The following PDZD2 variants were observed in gnomAD, a reference collection of about 807,000 sequenced individuals.
The protein encoded by PDZD2 is PDZ domain containing 2.
PDZD2 carries 90 observed loss-of-function variants against 220.7 expected under a neutral mutation model. The observed-to-expected ratio is 0.41, with a 90% CI of 0.34 to 0.49. The LOEUF is 0.49. Among genes scored for constraint, PDZD2 ranks in the 20% least tolerant of loss-of-function variants. PDZD2 has a pLI of 0.28. For synonymous variants in PDZD2, 1,375 were observed against 1,450.5 expected, an observed-to-expected ratio of 0.95 and a Z score of 1.18; for missense variants, 3,174 against 3,608.5, an observed-to-expected ratio of 0.88 and a Z score of 3.08.
At chr5:31,749,728 G>T (rs544669342) in intron 1 of PDZD2, among the ~76,000 whole-genome samples, 1 of 152,074 alleles carries the variant, frequency 6.6e-6, no homozygotes, top group Non-Finnish European at 1.5e-5. Flanking sequence ...GGCTGTGACG[G>T]TGTGATTGTA....
intron 1 of PDZD2, 29 bp from the exon 2 acceptor site, chr5:31,798,859 GC>G: frequency 4.8e-6 from 1 of 209,638 alleles, no homozygotes. Context: ...TGTAACTGGA[GC>G]TTTTTGTGTT....
intron 1 of PDZD2, among the ~76,000 whole-genome samples, chr5:31,707,588 G>A (rs1221175845): frequency 6.6e-6 from 1 of 152,170 alleles, no homozygotes; most frequent in African/African-American, 2.4e-5. Flanking sequence ...AATACAGTCT[G>A]TATAGAAAGA....
At chr5:31,992,450 T>TAC (rs972955062) in intron 3 of PDZD2, among the ~76,000 whole-genome samples, 1 of 141,268 alleles carries the variant, frequency 7.1e-6, no homozygotes, top group Non-Finnish European at 1.6e-5. Context: ...TATATATATA[T>TAC]ACATTTGAGC....
intron 1 of PDZD2, among the ~76,000 whole-genome samples, chr5:31,798,241 C>T (rs1754161785): frequency 6.6e-6 from 1 of 152,132 alleles, no homozygotes; most frequent in South Asian, 2.1e-4. Context: ...TTAGGTTGGC[C>T]TGAAAATAAG....
intron 4 of PDZD2, among the ~76,000 whole-genome samples, chr5:31,997,000 G>C (rs1751690228): frequency 6.6e-6 from 1 of 152,236 alleles, no homozygotes; most frequent in African/African-American, 2.4e-5. Flanking sequence ...GAAGGATGTA[G>C]CTGTCCCAAA....
In PDZD2 at chr5:32,088,971, A is replaced by G. The variant is rs756784831; in HGVS notation, c.5523A>G (p.Gln1841=). ...AGATTCAGATGGTGAGTTCAAGCCA[A>G]AAAAAGGGCGTTACTGTGCCTCATA... ...DSKIQMVSSS[Q]KKGVTVPHSP... The change falls in exon 20 of 25, where the codon CAA becomes CAG. Residue 1841 remains glutamine (Q), a synonymous_variant. Transcript: ENST00000438447. This position sits in a 1 kb window ranked among gnomAD's most constrained non-coding sequence, Gnocchi z 4.6. The G allele has an allele frequency of 7.4e-6, 12 of 1,614,006 alleles. No homozygotes were observed. In the South Asian group the frequency reaches 1.2e-4, roughly 16 times the overall value.
chr5:32,073,838 A>G lies in PDZD2; in HGVS notation c.2732A>G (p.Lys911Arg), dbSNP rs751252076. Residue 911 changes from lysine (K) to arginine (R), a missense_variant, in exon 18 of 25, where the codon AAG (lysine) becomes AGG (arginine). Transcript: ENST00000438447. ...GSLPPSTSTH[K>R]EPGKPRANSL... is the part of the protein sequence containing the mutation. ...CTGTCCCCACCTCCACCAGCTCACA[A>G]GGAGCCTGGAAAACCCAGAGCCAAC... is the stretch of plus-strand genomic sequence containing the variant. 1.9e-6 allele frequency: 3 copies of G among 1,605,156 alleles called. No individual in the cohort carries two copies. Among genetic ancestry groups the G allele is most frequent in the Admixed American group, 3.4e-5 (2 of 58,102 alleles).
chr5:31,857,315 C>T (rs181088064), intron 2 of PDZD2, among the ~76,000 whole-genome samples: 1 of 152,290 alleles, frequency 6.6e-6, no homozygotes, highest in African/African-American at 2.4e-5. Flanking sequence ...GTGGGGTCTC[C>T]TCTCACTGTT....
At chr5:32,107,931 C>T (rs1312410077) in intron 24 of PDZD2, 38 bp from the exon 25 acceptor site, 1 of 1,492,746 alleles carries the variant, frequency 6.7e-7, no homozygotes, top group Non-Finnish European at 9.2e-7. Flanking sequence ...TACTATGAAA[C>T]TGCCAAGCTA....
intron 1 of PDZD2, among the ~76,000 whole-genome samples, chr5:31,651,277 A>G (rs1432350140): frequency 6.6e-6 from 1 of 152,116 alleles, no homozygotes; most frequent in African/African-American, 2.4e-5. Context: ...GCTCTCCTGC[A>G]GAAAGGTAGA....
intron 1 of PDZD2, among the ~76,000 whole-genome samples, chr5:31,732,654 G>A (rs1196533892): frequency 7.9e-5 from 12 of 152,254 alleles, no homozygotes. Context: ...ATTTCTAAGA[G>A]AGCTGAGAAG....
At chr5:31,904,799 A>G (rs75794773) in intron 2 of PDZD2, among the ~76,000 whole-genome samples, 5,216 of 152,254 alleles carry the variant, frequency 0.034, 287 homozygotes, top group African/African-American at 0.12. Flanking sequence ...GGAAAGGTAC[A>G]GATACAGAAT....
At chr5:31,909,443 A>G (rs1202019607) in intron 2 of PDZD2, among the ~76,000 whole-genome samples, 1 of 152,220 alleles carries the variant, frequency 6.6e-6, no homozygotes. Flanking sequence ...GGGAGCAGGG[A>G]CATGTGGTTA....
intron 1 of PDZD2, among the ~76,000 whole-genome samples, chr5:31,741,111 T>C (rs561693644): frequency 6.6e-6 from 1 of 152,300 alleles, no homozygotes; most frequent in African/African-American, 2.4e-5. Context: ...TTTAATAATA[T>C]ACATCTCCCA....
intron 6 of PDZD2, among the ~76,000 whole-genome samples, chr5:32,034,607 C>T (rs571601058): frequency 2.1e-4 from 32 of 152,068 alleles, no homozygotes; most frequent in African/African-American, 6.7e-4. Context: ...GTGATCCACC[C>T]GTCTCCGCTT....
chr5:32,069,786 T>A lies in PDZD2; in HGVS notation c.2533+136T>A, dbSNP rs143402707. 408 of 614,128 alleles carry A rather than the reference T, an allele frequency of 6.6e-4. 2 individuals are homozygous for A. In the African/African-American group the frequency reaches 6.7e-3, roughly 10 times the overall value. The allele number at this position is 614,128 out of a possible 1,614,324, so 38.0% of individuals were successfully genotyped here. ...GCAAAAGTAGCTGTCAAAGACAGTC[T>A]ATGCTTTCTCTTGGCTGTTAGTTTT... is the stretch of plus-strand genomic sequence containing the variant. On this transcript the variant is annotated intron_variant, in intron 15 of 24. Coordinates refer to ENST00000438447, the MANE Select transcript of PDZD2 (RefSeq NM_178140.4).
chr5:31,689,353 A>ATATATATATATATATTTTTTTT, intron 1 of PDZD2, among the ~76,000 whole-genome samples: 14 of 35,122 alleles, frequency 4.0e-4, no homozygotes, highest in African/African-American at 2.7e-3. Flanking sequence ...ATATATATAT[A>ATATATATATATATATTTTTTTT]TTTTTTTTTT....
chr5:32,057,270 G>C (rs139790532), intron 10 of PDZD2, among the ~76,000 whole-genome samples: 8 of 152,268 alleles, frequency 5.3e-5, no homozygotes, highest in African/African-American at 1.9e-4. Context: ...CTCAAATGTT[G>C]TATGTGTTCA....
intron 2 of PDZD2, among the ~76,000 whole-genome samples, chr5:31,899,888 C>T (rs13182372): frequency 0.45 from 68,710 of 152,090 alleles, 17,432 homozygotes; most frequent in Non-Finnish European, 0.57. Flanking sequence ...ACACTCAACC[C>T]GCCGGGGCCT....
Sources: gnomAD v4.1 joint callset for allele counts (sites outside exome capture counted in the v4.1 genomes callset) on GRCh38, gnomAD v4.1.1 for gene constraint, Gnocchi (gnomAD v3.1) non-coding constraint, MANE v1.5 for transcripts, NCBI Gene and HGNC (gene_info 2026-07-23, HGNC 2026-07-21) for gene names.